Variants in SGCZ observed in about 807,000 individuals in gnomAD.
The protein encoded by SGCZ is sarcoglycan zeta, also known as zeta-sarcoglycan.
Under a neutral mutation model 41.3 loss-of-function variants are expected in SGCZ, and 40 were observed. The observed-to-expected ratio is 0.97, with a 90% confidence interval of 0.75 to 1.26. The LOEUF (loss-of-function observed/expected upper bound fraction) is 1.26. Ranked by LOEUF, SGCZ falls within the 50% of genes most tolerant of loss-of-function variation. The pLI, the probability that SGCZ is intolerant of heterozygous loss-of-function variation, is 0.00. For synonymous variants in SGCZ, 206 were observed against 137.5 expected (o/e 1.50, Z -3.49); for missense variants, 552 against 369.8 (o/e 1.49, Z -4.04).
intron 2 of SGCZ, among the ~76,000 whole-genome samples, chr8:14,534,005 G>C (rs1382959289): frequency 6.6e-6 from 1 of 151,820 alleles, no homozygotes; most frequent in East Asian, 2.0e-4. Context: ...TCTACCAGGG[G>C]TATGTGCTCA....
At chr8:14,147,111 C>G (rs1803551471) in intron 5 of SGCZ, among the ~76,000 whole-genome samples, 1 of 151,510 alleles carries the variant, frequency 6.6e-6, no homozygotes, top group Non-Finnish European at 1.5e-5. Flanking sequence ...CAAATATGTA[C>G]AATAGATACA....
At chr8:14,500,043 A>G (rs13272951) in intron 2 of SGCZ, among the ~76,000 whole-genome samples, 28,674 of 152,072 alleles carry the variant, frequency 0.19, 3,271 homozygotes, top group Admixed American at 0.26. Context: ...CCTCTAGTTT[A>G]AAACCTTTAG....
intron 2 of SGCZ, among the ~76,000 whole-genome samples, chr8:14,332,926 T>C (rs1224043116): frequency 6.7e-6 from 1 of 149,936 alleles, no homozygotes; most frequent in African/African-American, 2.4e-5. Flanking sequence ...TATATATACA[T>C]ATATATACAT....
chr8:14,784,246 C>A (rs1165859321), intron 1 of SGCZ, among the ~76,000 whole-genome samples: 2 of 151,674 alleles, frequency 1.3e-5, no homozygotes, highest in African/African-American at 4.8e-5. Context: ...GAGACAAGGT[C>A]TCAATATGTT....
Position 14,554,746 on chromosome 8 carries a change from T to A in SGCZ, c.220A>T (p.Met74Leu), listed in dbSNP as rs745494429. The part of the protein sequence containing the change: ...LAMTIWILKV[M>L]NFTVDGMGNL... ...GTGGTACTTACCACAGTGAAATTCA[T>A]AACTTTCAATATCCATATTGTCATG... is the stretch of plus-strand genomic sequence containing the variant. The change falls in exon 2 of 8, where the codon ATG becomes TTG. Residue 74 changes from methionine (M) to leucine (L), a missense_variant. Physicochemically the swap from Met to Leu is conservative, Grantham distance 15. Coordinates refer to ENST00000382080, the MANE Select transcript of SGCZ (RefSeq NM_139167.4). 1 of 1,612,576 alleles carries A rather than the reference T, an allele frequency of 6.2e-7. No homozygotes were observed. Among genetic ancestry groups the A allele is most frequent in the Admixed American group, 1.7e-5 (1 of 59,810 alleles).
chr8:14,785,919 T>C (rs1367730475), intron 1 of SGCZ, among the ~76,000 whole-genome samples: 3 of 151,992 alleles, frequency 2.0e-5, no homozygotes, highest in Non-Finnish European at 4.4e-5. Context: ...GTTTTTTTTT[T>C]CTACTCCCAG....
intron 2 of SGCZ, among the ~76,000 whole-genome samples, chr8:14,498,047 C>T (rs993751964): frequency 6.6e-6 from 1 of 152,164 alleles, no homozygotes; most frequent in Non-Finnish European, 1.5e-5. Flanking sequence ...TATTCATGCA[C>T]ATTGGCATTT....
At chr8:14,182,455 T>TG (rs1804759602) in intron 4 of SGCZ, among the ~76,000 whole-genome samples, 3 of 152,102 alleles carry the variant, frequency 2.0e-5, no homozygotes, top group Non-Finnish European at 2.9e-5. Flanking sequence ...TCTCCAAAGC[T>TG]GTCCTGTTGC....
At chr8:14,145,096 G>C (rs1585175846) in intron 5 of SGCZ, among the ~76,000 whole-genome samples, 2 of 152,186 alleles carry the variant, frequency 1.3e-5, no homozygotes, top group Non-Finnish European at 2.9e-5. Context: ...GGCTGGCTTT[G>C]CCAATGGCTG....
At chr8:14,463,259 C>T (rs1216218026) in intron 2 of SGCZ, among the ~76,000 whole-genome samples, 1 of 151,106 alleles carries the variant, frequency 6.6e-6, no homozygotes, top group African/African-American at 2.4e-5. Context: ...CAAAAAACAG[C>T]TTGAAAAAGA....
intron 3 of SGCZ, among the ~76,000 whole-genome samples, chr8:14,286,074 GTATTT>G (rs1800614798): frequency 6.6e-6 from 1 of 150,550 alleles, no homozygotes; most frequent in South Asian, 2.1e-4. Flanking sequence ...TGCAGTCAAT[GTATTT>G]TGTTTTTTTT....
chr8:14,382,600 T>C (rs902821339), intron 2 of SGCZ, among the ~76,000 whole-genome samples: 25 of 152,164 alleles, frequency 1.6e-4, no homozygotes, highest in African/African-American at 5.8e-4. Context: ...CAATCATTAT[T>C]GGGGACGTTC....
Position 15,177,305 on chromosome 8 carries a change from CCCA to C in SGCZ, c.39+60277_39+60279del, listed in dbSNP as rs1404672362. Among the ~76,000 whole-genome samples, 5 of 152,252 alleles carry C rather than the reference CCCA, an allele frequency of 3.3e-5. No homozygotes were observed. In the South Asian group the frequency reaches 8.3e-4, roughly 25 times the overall value. On this transcript the variant is annotated intron_variant, in intron 1 of 7. Transcript: ENST00000382080. ...CAAGAGACAGTAGGCAGTGGAACGT[CCCA>C]CCTACAGCAGCTGATGGATAACGAA...
chr8:14,314,140 T>A (rs1467770239), intron 3 of SGCZ, among the ~76,000 whole-genome samples: 1 of 152,146 alleles, frequency 6.6e-6, no homozygotes, highest in African/African-American at 2.4e-5. Context: ...AAGAACTCCT[T>A]TTAAAGCTGC....
intron 1 of SGCZ, among the ~76,000 whole-genome samples, chr8:14,757,656 C>G (rs1039477778): frequency 6.6e-6 from 1 of 152,176 alleles, no homozygotes; most frequent in Non-Finnish European, 1.5e-5. Context: ...AGAAACAACT[C>G]TTTCGGTTTC....
chr8:14,402,195 G>C (rs1390445102), intron 2 of SGCZ, among the ~76,000 whole-genome samples: 5 of 151,920 alleles, frequency 3.3e-5, no homozygotes, highest in Non-Finnish European at 5.9e-5. Flanking sequence ...TTAGCCCTTT[G>C]TCAGATGAGT....
chr8:15,005,328 C>CTT (rs10603664), intron 1 of SGCZ, among the ~76,000 whole-genome samples: 1,518 of 78,516 alleles, frequency 0.019, 34 homozygotes, highest in East Asian at 0.056. Flanking sequence ...TTTTCTTTTT[C>CTT]TTTTTTTTTT....
At chr8:14,354,797 C>T (rs1392455243) in intron 2 of SGCZ, among the ~76,000 whole-genome samples, 3 of 151,696 alleles carry the variant, frequency 2.0e-5, no homozygotes, top group Admixed American at 2.0e-4. Flanking sequence ...TTTAAATTCT[C>T]ATAATTTGTA....
chr8:14,624,785 G>T (rs1020596781), intron 1 of SGCZ, among the ~76,000 whole-genome samples: 1 of 151,478 alleles, frequency 6.6e-6, no homozygotes, highest in African/African-American at 2.4e-5. Flanking sequence ...TGGCCAGGCT[G>T]CTCTTGAACT....
Sources: allele counts gnomAD v4.1 joint callset (sites outside exome capture counted in the v4.1 genomes callset), GRCh38; gene constraint gnomAD v4.1.1; transcripts MANE v1.5; gene names NCBI Gene and HGNC (gene_info 2026-07-23, HGNC 2026-07-21).